ZNF69: variants seen among roughly 807,000 people sequenced by gnomAD.
The protein encoded by ZNF69 is zinc finger protein 69.
ZNF69 carries 47 observed loss-of-function variants against 50.9 expected under a neutral mutation model. The observed-to-expected ratio is 0.92, with a 90% confidence interval of 0.73 to 1.18. ZNF69 has a LOEUF of 1.18. ZNF69 is among the 50% of genes most tolerant of loss of function. The pLI is 0.00. For synonymous variants in ZNF69, 216 were observed against 223.1 expected (o/e 0.97, Z 0.29); for missense variants, 717 against 675.1 (o/e 1.06, Z -0.69).
chr19:11,904,581 G>T (rs1972320028), intron 3 of ZNF69, 68 bp from the exon 4 acceptor site: 1 of 1,563,410 alleles, frequency 6.4e-7, no homozygotes, highest in South Asian at 1.2e-5. Flanking sequence ...TGCAAGTTCA[G>T]TACTTGTTGA....
the ZNF69 span, chr19:11,949,880 C>G: frequency 6.2e-7 from 1 of 1,613,924 alleles, no homozygotes; most frequent in African/African-American, 1.3e-5. Flanking sequence ...GGAGAGAAAC[C>G]CTATGAGTGT....
At chr19:11,934,992 A>G in the ZNF69 span, among the ~76,000 whole-genome samples, 1 of 146,444 alleles carries the variant, frequency 6.8e-6, no homozygotes, top group Non-Finnish European at 1.5e-5. Flanking sequence ...CCTGGCTAAC[A>G]CTGTGAAACC....
At chr19:11,904,006 A>G in intron 3 of ZNF69, 41 bp downstream of exon 3, 1 of 1,580,638 alleles carries the variant, frequency 6.3e-7, no homozygotes, top group East Asian at 2.2e-5. Flanking sequence ...CTCTCTAGAC[A>G]ATCTTAGAAT....
At chr19:11,958,677 G>A in the ZNF69 span, among the ~76,000 whole-genome samples, 2 of 152,136 alleles carry the variant, frequency 1.3e-5, no homozygotes, top group Admixed American at 6.5e-5. Flanking sequence ...CTAGGAGTGG[G>A]CCAGCCTGGC....
At chr19:11,904,089 C>A in intron 3 of ZNF69, 124 bp downstream of exon 3, 2 of 1,264,408 alleles carry the variant, frequency 1.6e-6, no homozygotes, top group Non-Finnish European at 2.2e-6. Flanking sequence ...AATATTTGAT[C>A]AAAAAACATA....
chr19:11,977,932 AT>A, the ZNF69 span, among the ~76,000 whole-genome samples: 1 of 149,920 alleles, frequency 6.7e-6, no homozygotes, highest in Non-Finnish European at 1.5e-5. Flanking sequence ...CCTTATGAGT[AT>A]TTTTTTAAAC....
At chr19:11,951,548 C>G in the ZNF69 span, among the ~76,000 whole-genome samples, 1 of 152,030 alleles carries the variant, frequency 6.6e-6, no homozygotes, top group African/African-American at 2.4e-5. Context: ...ATTTTTCATT[C>G]ACTCATTATG....
At chr19:11,920,077 C>G in the ZNF69 span, among the ~76,000 whole-genome samples, 1 of 151,228 alleles carries the variant, frequency 6.6e-6, no homozygotes, top group African/African-American at 2.4e-5. Flanking sequence ...TAGCCCATAA[C>G]GACTTGGGAC....
chr19:11,922,056 C>T, the ZNF69 span, among the ~76,000 whole-genome samples: 5 of 151,664 alleles, frequency 3.3e-5, no homozygotes, highest in Admixed American at 6.6e-5. Context: ...AAGAAGATAA[C>T]GATGTCCAAA....
chr19:11,893,448 G>T (rs1315410464), intron 1 of ZNF69, among the ~76,000 whole-genome samples: 1 of 152,100 alleles, frequency 6.6e-6, no homozygotes, highest in Non-Finnish European at 1.5e-5. Context: ...TGAAATCTGT[G>T]TCTGAACATT....
At chr19:11,899,222 G>C (rs1414605568) in intron 1 of ZNF69, among the ~76,000 whole-genome samples, 7 of 152,196 alleles carry the variant, frequency 4.6e-5, no homozygotes, top group African/African-American at 1.7e-4. Context: ...GGCCATTTCA[G>C]ACTTGCTTCT....
chr19:11,945,549 T>G, the ZNF69 span, among the ~76,000 whole-genome samples: 2 of 152,160 alleles, frequency 1.3e-5, no homozygotes, highest in African/African-American at 4.8e-5. Context: ...AACCGGGTAC[T>G]GTTTTTGCCT....
chr19:11,949,238 T>G, the ZNF69 span: 7 of 1,613,698 alleles, frequency 4.3e-6, no homozygotes, highest in African/African-American at 1.3e-5. Flanking sequence ...TCCAGTTCCT[T>G]TCGATATCAT....
At chr19:11,912,372 A>G (rs1215480853) in intron 4 of ZNF69, among the ~76,000 whole-genome samples, 2 of 152,250 alleles carry the variant, frequency 1.3e-5, no homozygotes, top group African/African-American at 4.8e-5. Flanking sequence ...CTATGAATGT[A>G]AAGAATGCAG....
chr19:11,903,850 A>G, intron 2 of ZNF69, 55 bp from the exon 3 acceptor site: 1 of 1,606,142 alleles, frequency 6.2e-7, no homozygotes, highest in Non-Finnish European at 8.5e-7. Context: ...GAATCTAATA[A>G]TTTTTTCACA....
At chr19:11,923,987 C>A in the ZNF69 span, among the ~76,000 whole-genome samples, 1 of 152,180 alleles carries the variant, frequency 6.6e-6, no homozygotes, top group Non-Finnish European at 1.5e-5. Context: ...TTCCGAGAAG[C>A]TGCAGAGCCC....
the ZNF69 span, among the ~76,000 whole-genome samples, chr19:11,959,515 CATA>C: frequency 5.3e-5 from 8 of 152,184 alleles, no homozygotes; most frequent in Non-Finnish European, 1.0e-4. Flanking sequence ...TTCTCAGTAA[CATA>C]ATGTTACCAT....
At chr19:11,904,519 A>G in intron 3 of ZNF69, 130 bp from the exon 4 acceptor site, 2 of 1,341,096 alleles carry the variant, frequency 1.5e-6, no homozygotes, top group Non-Finnish European at 2.0e-6. Flanking sequence ...AGTCACCTTC[A>G]AACAATTCAG....
At chr19:11,891,880 C>G (rs749804709) in intron 1 of ZNF69, among the ~76,000 whole-genome samples, 1 of 152,112 alleles carries the variant, frequency 6.6e-6, no homozygotes, top group Admixed American at 6.5e-5. Flanking sequence ...TCTGGCTCCC[C>G]TAGGCACCTG....
Sources: gnomAD v4.1 joint callset for allele counts (sites outside exome capture counted in the v4.1 genomes callset) on GRCh38, gnomAD v4.1.1 for gene constraint, MANE v1.5 for transcripts, NCBI Gene and HGNC (gene_info 2026-07-23, HGNC 2026-07-21) for gene names.